Variants in TENM4 observed in about 807,000 individuals in gnomAD.
TENM4 encodes teneurin transmembrane protein 4, also known as teneurin-4.
A neutral mutation model predicts 243.3 loss-of-function variants in TENM4; 82 were observed. The ratio of observed to expected loss-of-function variants is 0.34; its 90% CI spans 0.28 to 0.40. TENM4 has a LOEUF of 0.40. TENM4 is among the 10% of genes least tolerant of loss of function. TENM4 has a pLI of 1.00. For missense variants in TENM4, 3,138 were observed against 3,673.3 expected (o/e 0.85, Z 3.77); for synonymous variants, 1,412 against 1,456.3 (o/e 0.97, Z 0.69).
At chr11:79,295,629 G>A (rs1158749547) in intron 2 of TENM4, among the ~76,000 whole-genome samples, 1 of 152,140 alleles carries the variant, frequency 6.6e-6, no homozygotes, top group Non-Finnish European at 1.5e-5. Flanking sequence ...GATCAGACAA[G>A]CACTGGGGTG....
Position 79,274,515 on chromosome 11 carries a change from A to G in TENM4, c.-265+22973T>C, listed in dbSNP as rs553083174. Among the ~76,000 whole-genome samples the G allele has an allele frequency of 4.5e-4, 69 of 152,162 alleles. 1 individual carries two copies. The highest frequency in any genetic ancestry group is 8.1e-4 in the Non-Finnish European group (55 of 68,034). The stretch of plus-strand genomic sequence containing the variant: ...AGGTAGCTCCCTGCATCTTCTTTAT[A>G]TTTTTCCAGATGAAATCTTGGTAAA... On this transcript the variant is annotated intron_variant, in intron 2 of 33. Coordinates refer to ENST00000278550, the MANE Select transcript of TENM4 (RefSeq NM_001098816.3).
At chr11:78,713,418 T>C (rs1472898768) in intron 25 of TENM4, among the ~76,000 whole-genome samples, 1 of 152,248 alleles carries the variant, frequency 6.6e-6, no homozygotes, top group Admixed American at 6.5e-5. Context: ...GGAAAACAGT[T>C]ATAAAGATCA....
intron 4 of TENM4, among the ~76,000 whole-genome samples, chr11:79,123,600 T>C (rs112790708): frequency 0.059 from 1,336 of 22,522 alleles, 20 homozygotes; most frequent in African/African-American, 0.15. Context: ...CAGTAGCCCC[T>C]TTTTTTTTTT....
chr11:78,708,984 T>TTA (rs59432159), intron 26 of TENM4, among the ~76,000 whole-genome samples: 5,623 of 144,962 alleles, frequency 0.039, 345 homozygotes, highest in African/African-American at 0.12. Context: ...TTTTTTTTTT[T>TTA]AAAAAAAGAG....
At chr11:79,251,091 T>C (rs1855601864) in intron 2 of TENM4, among the ~76,000 whole-genome samples, 1 of 152,206 alleles carries the variant, frequency 6.6e-6, no homozygotes, top group South Asian at 2.1e-4. Context: ...GAAGACATAG[T>C]AGGCCAGAAG....
intron 12 of TENM4, among the ~76,000 whole-genome samples, chr11:78,818,742 G>A: frequency 6.6e-6 from 1 of 152,104 alleles, no homozygotes; most frequent in East Asian, 1.9e-4. Context: ...TTCCCAATTA[G>A]TGTTTGGTGA....
chr11:79,100,976 G>C (rs1200505049), intron 4 of TENM4, among the ~76,000 whole-genome samples: 1 of 152,096 alleles, frequency 6.6e-6, no homozygotes, highest in African/African-American at 2.4e-5. Flanking sequence ...AGCTGCAGAG[G>C]CGTGTGGGCT....
intron 1 of TENM4, among the ~76,000 whole-genome samples, chr11:79,297,839 A>G (rs901069487): frequency 1.3e-5 from 2 of 152,218 alleles, no homozygotes; most frequent in African/African-American, 2.4e-5. Context: ...ATGTCAAAAT[A>G]TAAAAGACCA....
At chr11:79,269,074 C>T (rs73510674) in intron 2 of TENM4, among the ~76,000 whole-genome samples, 19,551 of 152,150 alleles carry the variant, frequency 0.13, 1,347 homozygotes, top group African/African-American at 0.18. Context: ...GGAACCTAAC[C>T]CTGTATTTCC....
intron 1 of TENM4, among the ~76,000 whole-genome samples, chr11:79,333,477 A>C (rs981866567): frequency 6.6e-6 from 1 of 152,174 alleles, no homozygotes; most frequent in Non-Finnish European, 1.5e-5. Context: ...TATTACCCAG[A>C]ATGGAAAGTG....
intron 12 of TENM4, among the ~76,000 whole-genome samples, chr11:78,819,210 C>T (rs1256891506): frequency 1.3e-5 from 2 of 152,308 alleles, no homozygotes; most frequent in South Asian, 2.1e-4. Flanking sequence ...AGGGAACCCA[C>T]TGCGGTGCCC....
At chr11:79,031,528 A>C (rs1418085272) in intron 6 of TENM4, among the ~76,000 whole-genome samples, 1 of 152,168 alleles carries the variant, frequency 6.6e-6, no homozygotes, top group Non-Finnish European at 1.5e-5. Context: ...TAGGGTAGAG[A>C]GCTCACCGCT....
chr11:78,729,197 T>C (rs1161330126), intron 22 of TENM4, among the ~76,000 whole-genome samples, 179 bp downstream of exon 22: 1 of 151,022 alleles, frequency 6.6e-6, no homozygotes, highest in African/African-American at 2.4e-5. Context: ...TTTTCTACAT[T>C]CAGGTCTTTC....
intron 6 of TENM4, among the ~76,000 whole-genome samples, chr11:78,954,715 T>C (rs1370095978): frequency 6.6e-6 from 1 of 152,176 alleles, no homozygotes; most frequent in African/African-American, 2.4e-5. Flanking sequence ...TACAATTTCC[T>C]TTTGAAATAA....
chr11:79,419,376 G>A (rs543254591), intron 1 of TENM4, among the ~76,000 whole-genome samples: 1 of 152,154 alleles, frequency 6.6e-6, no homozygotes, highest in Non-Finnish European at 1.5e-5. Context: ...ACAGGTAAGA[G>A]GTCAGCTCCC....
intron 2 of TENM4, among the ~76,000 whole-genome samples, chr11:79,258,371 T>C (rs1855736573): frequency 2.0e-5 from 3 of 152,174 alleles, no homozygotes. Context: ...CTTTCTTCCA[T>C]TTTCCAGCCT....
Position 78,720,378 on chromosome 11 carries a change from G to A in TENM4, c.3813C>T (p.Phe1271=). The part of the protein sequence containing the change: ...TNILELRNKD[F]RHSHSPAHKY... ...TCCACTGGTTGGCTTACCTATGTCT[G>A]AAATCTTTATTTCTGACAGAAGACA... The change falls in exon 25 of 34, where the codon TTC becomes TTT. Residue 1271 remains phenylalanine (F), a synonymous_variant. Transcript: ENST00000278550. The A allele has an allele frequency of 3.1e-6, 5 of 1,613,924 alleles. No individual in the cohort carries two copies. Among genetic ancestry groups the A allele is most frequent in the Non-Finnish European group, 4.2e-6 (5 of 1,179,872 alleles).
intron 14 of TENM4, 115 bp downstream of exon 14, chr11:78,812,007 G>T: frequency 7.6e-7 from 1 of 1,317,156 alleles, no homozygotes; most frequent in South Asian, 1.5e-5. Flanking sequence ...GCTTGGGGAG[G>T]TGGGGTCACA....
chr11:78,739,589 A>G (rs953590289), intron 19 of TENM4, among the ~76,000 whole-genome samples: 12 of 152,120 alleles, frequency 7.9e-5, no homozygotes, highest in Non-Finnish European at 1.8e-4. Flanking sequence ...TGGTTGAGCA[A>G]ATAAATGGGA....
Sources: allele counts gnomAD v4.1 joint callset (sites outside exome capture counted in the v4.1 genomes callset), GRCh38; gene constraint gnomAD v4.1.1; transcripts MANE v1.5; gene names NCBI Gene and HGNC (gene_info 2026-07-23, HGNC 2026-07-21).